TMOD3: variants seen among roughly 807,000 people sequenced by gnomAD.
TMOD3 encodes tropomodulin-3.
In TMOD3, 20 loss-of-function variants were observed where a neutral mutation model predicts 39.2. That is an observed-to-expected ratio of 0.51 (90% CI 0.36 to 0.74). The LOEUF is 0.74. Ranked by LOEUF, TMOD3 falls within the 30% of genes least tolerant of loss-of-function variation. The pLI, the probability that TMOD3 is intolerant of heterozygous loss-of-function variation, is 0.00. For synonymous variants in TMOD3, 143 were observed against 145.8 expected, an observed-to-expected ratio of 0.98 and a Z score of 0.14; for missense variants, 381 against 412.8, an observed-to-expected ratio of 0.92 and a Z score of 0.67.
intron 5 of TMOD3, among the ~76,000 whole-genome samples, chr15:51,890,368 G>A (rs1011426365): frequency 6.7e-6 from 1 of 149,666 alleles, no homozygotes; most frequent in African/African-American, 2.5e-5. Context: ...GTAGAGATGG[G>A]GTTTTGCGAT....
chr15:51,839,487 C>A (rs914889467), intron 1 of TMOD3, among the ~76,000 whole-genome samples: 4 of 152,002 alleles, frequency 2.6e-5, no homozygotes, highest in African/African-American at 9.7e-5. Context: ...TATTTGGTGT[C>A]TATTTATTCC....
intron 2 of TMOD3, among the ~76,000 whole-genome samples, chr15:51,866,189 T>C (rs1225158368): frequency 6.6e-6 from 1 of 152,170 alleles, no homozygotes; most frequent in Non-Finnish European, 1.5e-5. Flanking sequence ...GTATAGTGGC[T>C]CACACCTGTA....
intron 9 of TMOD3, chr15:51,907,167 G>A (rs1051393799): frequency 6.6e-6 from 1 of 151,806 alleles, no homozygotes; most frequent in African/African-American, 2.4e-5. Flanking sequence ...CATGAAACTT[G>A]TCTTTGTTAG....
intron 2 of TMOD3, among the ~76,000 whole-genome samples, chr15:51,866,313 G>A (rs182887230): frequency 3.9e-5 from 6 of 152,042 alleles, no homozygotes; most frequent in East Asian, 1.9e-4. Context: ...AAAATTAGCC[G>A]GGGGCATGGT....
chr15:51,872,122 G>T (rs1258004690), intron 3 of TMOD3, among the ~76,000 whole-genome samples: 1 of 152,112 alleles, frequency 6.6e-6, no homozygotes, highest in Non-Finnish European at 1.5e-5. Context: ...AGCCGGACGC[G>T]GTAGCTCAAC....
Position 51,914,933 on chromosome 15 carries a change from T to C in TMOD3, c.*6123T>C, listed in dbSNP as rs985244811. Reference sequence around the variant, plus strand: ...TTTCAGTAGAGACGGAGTTTCACCATCTTGGCCAGGCTGGTCTCGAACTCC... The same window carrying C: ...TTTCAGTAGAGACGGAGTTTCACCACCTTGGCCAGGCTGGTCTCGAACTCC... On this transcript the variant is annotated 3_prime_UTR_variant, in exon 10 of 10. Coordinates refer to ENST00000308580, the MANE Select transcript of TMOD3 (RefSeq NM_014547.5). 2 of 151,980 alleles carry C rather than the reference T, an allele frequency of 1.3e-5. No homozygotes were observed. The highest frequency in any genetic ancestry group is 2.9e-5 in the Non-Finnish European group (2 of 68,024). 9.4% of individuals were successfully genotyped at this position (151,980 alleles called of 1,614,324 possible).
rs1398514314 is a variant in TMOD3, at chr15:51,839,162, T to C, written c.-75+9326T>C. Among the ~76,000 whole-genome samples, 2 of 133,556 alleles carry C rather than the reference T, an allele frequency of 1.5e-5. 1 individual carries two copies. Among genetic ancestry groups the C allele is most frequent in the East Asian group, 4.1e-4 (2 of 4,826 alleles). The allele number at this position is 133,556 out of a possible 152,430, so 87.6% of individuals were successfully genotyped here. On this transcript the variant is annotated intron_variant, in intron 1 of 9. Transcript: ENST00000308580. Reference sequence around the variant, plus strand: ...TTGACAGCTAAGAAATAGGTGTATCTCTCTTTTTTTTTTTTTCCATTTTGT... The same window carrying C: ...TTGACAGCTAAGAAATAGGTGTATCCCTCTTTTTTTTTTTTTCCATTTTGT...
intron 5 of TMOD3, among the ~76,000 whole-genome samples, 159 bp downstream of exon 5, chr15:51,889,304 T>TA (rs2141701004): frequency 6.6e-6 from 1 of 151,390 alleles, no homozygotes; most frequent in African/African-American, 2.4e-5. Flanking sequence ...CCATTGAAAA[T>TA]AGAGTATTAA....
intron 3 of TMOD3, among the ~76,000 whole-genome samples, chr15:51,884,114 G>A (rs1293354230): frequency 1.3e-5 from 2 of 152,196 alleles, no homozygotes; most frequent in Non-Finnish European, 2.9e-5. Context: ...AAAAAACACT[G>A]AAGCCCTGGC....
At chr15:51,874,418 A>G (rs2056491153) in intron 3 of TMOD3, among the ~76,000 whole-genome samples, 1 of 152,122 alleles carries the variant, frequency 6.6e-6, no homozygotes, top group Non-Finnish European at 1.5e-5. Flanking sequence ...ACTGGTGAAT[A>G]TTTTACTTTT....
rs532430500 is a variant in TMOD3 at position 51,915,378 on chromosome 15, T to A, written c.*6568T>A. 3 of 152,324 alleles carry A rather than the reference T, an allele frequency of 2.0e-5. No homozygotes were observed. In the South Asian group the frequency reaches 6.2e-4, roughly 32 times the overall value. 9.4% of individuals were successfully genotyped at this position (152,324 alleles called of 1,614,324 possible). ...ATTTTTGTAATTTCAAATGTCTTTT[T>A]TTCAGTTTTTTGGATGAATTATTAT... On this transcript the variant is annotated 3_prime_UTR_variant, in exon 10 of 10. Transcript: ENST00000308580.
intron 5 of TMOD3, among the ~76,000 whole-genome samples, chr15:51,890,574 A>G (rs1378682368): frequency 1.3e-5 from 2 of 152,080 alleles, no homozygotes; most frequent in Admixed American, 6.6e-5. Context: ...TGAAATAGAT[A>G]TTATTATTTT....
chr15:51,847,288 T>C (rs2056340638), intron 1 of TMOD3, among the ~76,000 whole-genome samples: 1 of 152,246 alleles, frequency 6.6e-6, no homozygotes, highest in Admixed American at 6.5e-5. Context: ...AACAAGTTTT[T>C]CTGCACTGCC....
At chr15:51,838,124 C>A (rs768954779) in intron 1 of TMOD3, among the ~76,000 whole-genome samples, 28 of 152,154 alleles carry the variant, frequency 1.8e-4, no homozygotes, top group Middle Eastern at 3.4e-3. Context: ...TTTCCCTTTA[C>A]TTTTCTTCTT....
chr15:51,869,732 A>G (rs2056465538), intron 3 of TMOD3, among the ~76,000 whole-genome samples: 1 of 152,222 alleles, frequency 6.6e-6, no homozygotes, highest in Admixed American at 6.5e-5. Context: ...TTTAAAGTGG[A>G]ATGCCATAAA....
chr15:51,884,380 C>A (rs1294203652), intron 3 of TMOD3, among the ~76,000 whole-genome samples: 3 of 152,084 alleles, frequency 2.0e-5, no homozygotes, highest in Non-Finnish European at 4.4e-5. Context: ...GTGAAATGTT[C>A]GGGGGATTAA....
At chr15:51,906,145 G>A (rs2056679551) in intron 9 of TMOD3, among the ~76,000 whole-genome samples, 1 of 152,040 alleles carries the variant, frequency 6.6e-6, no homozygotes, top group African/African-American at 2.4e-5. Flanking sequence ...GCACACAGCG[G>A]CAGCAACCTC....
At chr15:51,869,185 G>A in intron 2 of TMOD3, 32 bp from the exon 3 acceptor site, 1 of 1,603,176 alleles carries the variant, frequency 6.2e-7, no homozygotes, top group South Asian at 1.1e-5. Context: ...CATTCTTATT[G>A]GTCATATTGG....
At chr15:51,832,180 T>A (rs2056258593) in intron 1 of TMOD3, among the ~76,000 whole-genome samples, 1 of 131,488 alleles carries the variant, frequency 7.6e-6, no homozygotes, top group South Asian at 2.4e-4. Flanking sequence ...TAAGACCCTG[T>A]CTCTCTAAAA....
Sources: gnomAD v4.1 joint callset for allele counts (sites outside exome capture counted in the v4.1 genomes callset) on GRCh38, gnomAD v4.1.1 for gene constraint, MANE v1.5 for transcripts, NCBI Gene and HGNC (gene_info 2026-07-23, HGNC 2026-07-21) for gene names.